PRG4: variants seen among roughly 807,000 people sequenced by gnomAD.
PRG4 encodes the protein proteoglycan 4.
PRG4 carries 61 observed loss-of-function variants against 91.2 expected under a neutral mutation model. The ratio of observed to expected loss-of-function variants is 0.67; its 90% CI spans 0.54 to 0.83. PRG4 has a LOEUF of 0.83. Among genes scored for constraint, PRG4 ranks in the 40% least tolerant of loss-of-function variants. The pLI, the probability that PRG4 is intolerant of heterozygous loss-of-function variation, is 0.00. For synonymous variants in PRG4, 576 were observed against 614.2 expected (o/e 0.94, Z 0.92); for missense variants, 1,564 against 1,714.2 (o/e 0.91, Z 1.55).
Position 186,308,786 on chromosome 1 carries a change from A to G in PRG4, c.3067A>G (p.Lys1023Glu), listed in dbSNP as rs2102029431. Residue 1023 changes from lysine to glutamate, a missense_variant, in exon 7 of 13, where the codon AAG becomes GAG. Transcript: ENST00000445192. ...TAAAGCGACAACTCCTAAACCTCAA[A>G]AGCCAACCAAAGCACCCAAAAAACC... ...NSKATTPKPQKPTKAPKKPTS... is the reference protein window; with the variant it reads ...NSKATTPKPQEPTKAPKKPTS... 1 of 1,613,948 alleles carries G rather than the reference A, an allele frequency of 6.2e-7. No individual in the cohort carries two copies. Among genetic ancestry groups the G allele is most frequent in the Middle Eastern group, 1.6e-4 (1 of 6,062 alleles).
Position 186,306,538 on chromosome 1 carries a change from G to A in PRG4, c.819G>A (p.Glu273=). The A allele has an allele frequency of 6.2e-7, 1 of 1,613,132 alleles. No homozygotes were observed. Among genetic ancestry groups the A allele is most frequent in the Non-Finnish European group, 8.5e-7 (1 of 1,179,296 alleles). The stretch of plus-strand genomic sequence containing the variant: ...CACCTAATTCTGATACATCTAAAGA[G>A]ACGTCTTTGACAGTGAATAAAGAGA... ...SLPPNSDTSK[E]TSLTVNKETT... is the part of the protein sequence containing the mutation. Residue 273 remains glutamate, a synonymous_variant, in exon 7 of 13, where the codon GAG becomes GAA. Coordinates refer to ENST00000445192, the MANE Select transcript of PRG4 (RefSeq NM_005807.6).
intron 2 of PRG4, among the ~76,000 whole-genome samples, chr1:186,298,742 C>T (rs1656013922): frequency 6.6e-6 from 1 of 152,134 alleles, no homozygotes; most frequent in Non-Finnish European, 1.5e-5. Context: ...CCGCCTCAGC[C>T]TCCCAAAGTG....
chr1:186,306,354 C>T lies in PRG4; in HGVS notation c.635C>T (p.Pro212Leu). Reference protein sequence around the residue: ...DNKKNRTKKKPTPKPPVVDEA... With the variant: ...DNKKNRTKKKLTPKPPVVDEA... The stretch of plus-strand genomic sequence containing the variant: ...AAGAAGAACAGAACTAAAAAGAAAC[C>T]TACCCCCAAACCACCAGTTGTAGAT... The change falls in exon 7 of 13, where the codon CCT becomes CTT. Residue 212 changes from proline (P) to leucine (L), a missense_variant. Around this residue, in one of 3 missense-constraint regions of PRG4, gnomAD observed 437 missense variants for 459.0 expected, o/e 0.95. Coordinates refer to ENST00000445192, the MANE Select transcript of PRG4 (RefSeq NM_005807.6). The T allele has an allele frequency of 6.2e-7, 1 of 1,607,054 alleles. No individual in the cohort carries two copies. Among genetic ancestry groups the T allele is most frequent in the Non-Finnish European group, 8.5e-7 (1 of 1,177,898 alleles).
At chr1:186,313,376 T>C (rs1657428098) in intron 12 of PRG4, 1 of 343,764 alleles carries the variant, frequency 2.9e-6, no homozygotes, top group African/African-American at 2.1e-5. Context: ...CATGTATTTT[T>C]TAAAAGGAAT....
chr1:186,296,557 T>C (rs1252243406), intron 1 of PRG4, among the ~76,000 whole-genome samples: 2 of 152,254 alleles, frequency 1.3e-5, no homozygotes, highest in Non-Finnish European at 1.5e-5. Context: ...GTTAAGTACA[T>C]GCCATACTTT....
At chr1:186,298,791 A>G (rs1377675843) in intron 2 of PRG4, among the ~76,000 whole-genome samples, 2 of 152,164 alleles carry the variant, frequency 1.3e-5, no homozygotes, top group African/African-American at 4.8e-5. Flanking sequence ...GAAATCTGCC[A>G]ACTATAAAAG....
chr1:186,312,381 T>C lies in PRG4; in HGVS notation c.3991+9T>C. On this transcript the variant is annotated intron_variant, in intron 11 of 12. Coordinates refer to ENST00000445192, the MANE Select transcript of PRG4 (RefSeq NM_005807.6). Reference sequence around the variant, plus strand: ...GGCTTATCAAGACAAAGGTAACATTTTTATTGTGTTAAAAAAATCCTTAAA... The same window carrying C: ...GGCTTATCAAGACAAAGGTAACATTCTTATTGTGTTAAAAAAATCCTTAAA... 1 of 1,599,720 alleles carries C rather than the reference T, an allele frequency of 6.3e-7. No individual in the cohort carries two copies. The highest frequency in any genetic ancestry group is 8.5e-7 in the Non-Finnish European group (1 of 1,173,936).
chr1:186,304,152 C>A lies in PRG4; in HGVS notation c.364C>A (p.Pro122Thr). 6.2e-7 allele frequency: 1 copy of A among 1,614,084 alleles called. No individual in the cohort carries two copies. The highest frequency in any genetic ancestry group is 8.5e-7 in the Non-Finnish European group (1 of 1,179,922). ...ACCATCTTCAAAGAAAGCACCTCCACCTTCAGGAGCATCTCAAACCATCAA... is the reference window on the plus strand; with the variant it reads ...ACCATCTTCAAAGAAAGCACCTCCAACTTCAGGAGCATCTCAAACCATCAA... ...SPPSSKKAPP[P>T]SGASQTIKST... The change falls in exon 5 of 13, where the codon CCT becomes ACT. Residue 122 changes from proline to threonine, a missense_variant. Pro to Thr is a conservative substitution (Grantham distance 38). This residue lies in a region of PRG4 where 437 missense variants were observed against 459.0 expected (regional missense o/e 0.95). Transcript: ENST00000445192.
rs1225772695 is a variant in PRG4, at chr1:186,308,692, A to G, written c.2973A>G (p.Thr991=). Residue 991 remains threonine, a synonymous_variant, in exon 7 of 13, where the codon ACA becomes ACG. Coordinates refer to ENST00000445192, the MANE Select transcript of PRG4 (RefSeq NM_005807.6). ...CCAAAGTAACTACAACAAAAAAGAC[A>G]ATTACTACCACTGAGATTATGAACA... is the stretch of plus-strand genomic sequence containing the variant. ...LAPKVTTTKK[T]ITTTEIMNKP... 6.2e-7 allele frequency: 1 copy of G among 1,611,962 alleles called. No individual in the cohort carries two copies. The highest frequency in any genetic ancestry group is 8.5e-7 in the Non-Finnish European group (1 of 1,179,608).
Position 186,304,786 on chromosome 1 carries a change from A to G in PRG4, c.470-8A>G, listed in dbSNP as rs1656442092. 6.2e-7 allele frequency: 1 copy of G among 1,610,350 alleles called. No individual in the cohort carries two copies. The stretch of plus-strand genomic sequence containing the variant: ...TTGGTGTGATCAAACTTTCTATTTG[A>G]TTTATAGAACATTCTGTTTCTGAAA... On this transcript the variant is annotated splice_region_variant and splice_polypyrimidine_tract_variant and intron_variant, in intron 5 of 12. Coordinates refer to ENST00000445192, the MANE Select transcript of PRG4 (RefSeq NM_005807.6).
intron 4 of PRG4, 52 bp downstream of exon 4, chr1:186,301,763 C>G: frequency 6.3e-7 from 1 of 1,579,724 alleles, no homozygotes; most frequent in South Asian, 1.1e-5. Context: ...GATCTGTGCA[C>G]CTACCTTAGC....
At chr1:186,311,399 T>C (rs1265146389) in intron 9 of PRG4, 41 bp from the exon 10 acceptor site, 14 of 1,593,364 alleles carry the variant, frequency 8.8e-6, no homozygotes, top group Non-Finnish European at 1.2e-5. Context: ...AAATCTTTTT[T>C]CCCAAAGCTG....
intron 6 of PRG4, among the ~76,000 whole-genome samples, chr1:186,305,694 C>T (rs1005801925): frequency 2.6e-5 from 4 of 152,200 alleles, no homozygotes; most frequent in African/African-American, 9.7e-5. Flanking sequence ...GCTTTGTAGT[C>T]CACATGTGGG....
rs1359396742 is a variant in PRG4 at position 186,308,290 on chromosome 1, C to G, written c.2571C>G (p.Val857=). The G allele has an allele frequency of 6.2e-7, 1 of 1,613,838 alleles. No homozygotes were observed. The highest frequency in any genetic ancestry group is 8.5e-7 in the Non-Finnish European group (1 of 1,179,990). Reference sequence around the variant, plus strand: ...CACCTCCTCCAACCACTTCAGAGGTCTCTACTCCAACTACCACCAAGGAGC... The same window carrying G: ...CACCTCCTCCAACCACTTCAGAGGTGTCTACTCCAACTACCACCAAGGAGC... ...PETPPPTTSE[V]STPTTTKEPT... The change falls in exon 7 of 13, where the codon GTC becomes GTG. Residue 857 remains valine, a synonymous_variant. Coordinates refer to ENST00000445192, the MANE Select transcript of PRG4 (RefSeq NM_005807.6).
chr1:186,303,455 TA>T (rs11351654), intron 4 of PRG4, among the ~76,000 whole-genome samples: 72,232 of 132,452 alleles, frequency 0.55, 18,749 homozygotes, highest in African/African-American at 0.57. Flanking sequence ...TTCTTGTTCC[TA>T]AAAAAAAAAA....
intron 8 of PRG4, 137 bp from the exon 9 acceptor site, chr1:186,310,897 T>C: frequency 1.1e-6 from 1 of 948,260 alleles, no homozygotes; most frequent in African/African-American, 1.7e-5. Flanking sequence ...TCAGAAATGT[T>C]CAAATACTAC....
At chr1:186,310,941 T>C (rs915083585) in intron 8 of PRG4, 93 bp from the exon 9 acceptor site, 26 of 1,384,514 alleles carry the variant, frequency 1.9e-5, no homozygotes, top group Non-Finnish European at 2.0e-5. Flanking sequence ...AGTCATACAA[T>C]GCATAAGAAA....
At chr1:186,298,017 T>C (rs1655966319) in intron 2 of PRG4, among the ~76,000 whole-genome samples, 1 of 152,248 alleles carries the variant, frequency 6.6e-6, no homozygotes, top group Non-Finnish European at 1.5e-5. Context: ...TGCCTTTTCC[T>C]CTGTGATACA....
rs1382522923 is a variant in PRG4 at position 186,304,891 on chromosome 1, T to G, written c.567T>G (p.Ala189=). 1 of 1,613,492 alleles carries G rather than the reference T, an allele frequency of 6.2e-7. No homozygotes were observed. The highest frequency in any genetic ancestry group is 8.5e-7 in the Non-Finnish European group (1 of 1,179,606). The change falls in exon 6 of 13, where the codon GCT becomes GCG. Residue 189 remains alanine (A), a synonymous_variant. Transcript: ENST00000445192. ...AAATCAAGTCTTCCAAAAATTCAGCTGCTAATAGAGAATTACAGAAGAAAC... is the reference window on the plus strand; with the variant it reads ...AAATCAAGTCTTCCAAAAATTCAGCGGCTAATAGAGAATTACAGAAGAAAC... The part of the protein sequence containing the change: ...IRKIKSSKNS[A]ANRELQKKLK...
Sources: allele counts gnomAD v4.1 joint callset (sites outside exome capture counted in the v4.1 genomes callset), GRCh38; gene constraint gnomAD v4.1.1; regional missense constraint gnomAD v4.1.1; transcripts MANE v1.5; gene names NCBI Gene and HGNC (gene_info 2026-07-23, HGNC 2026-07-21).